The following ADH4 variants were observed in gnomAD, a reference collection of about 807,000 sequenced individuals.
The protein encoded by ADH4 is all-trans-retinol dehydrogenase [NAD(+)] ADH4.
Under a neutral mutation model 35.2 loss-of-function variants are expected in ADH4, and 31 were observed. The observed-to-expected ratio is 0.88, with a 90% CI of 0.66 to 1.19. The LOEUF (loss-of-function observed/expected upper bound fraction) is 1.19. Among genes scored for constraint, ADH4 ranks in the 50% most tolerant of loss-of-function variants. The pLI is 0.00. For synonymous variants in ADH4, 171 were observed against 160.2 expected (o/e 1.07, Z -0.51); for missense variants, 476 against 458.3 (o/e 1.04, Z -0.35).
At chr4:99,135,767 A>G (rs1206170630) in intron 5 of ADH4, among the ~76,000 whole-genome samples, 2 of 152,088 alleles carry the variant, frequency 1.3e-5, no homozygotes, top group African/African-American at 4.8e-5. Flanking sequence ...TTGAAAGACC[A>G]CTCTGGCTGC....
intron 8 of ADH4, among the ~76,000 whole-genome samples, chr4:99,125,491 A>G (rs1426807410): frequency 6.6e-6 from 1 of 152,206 alleles, no homozygotes; most frequent in Non-Finnish European, 1.5e-5. Flanking sequence ...TTTGTGTTCG[A>G]GGATATGAAT....
intron 6 of ADH4, among the ~76,000 whole-genome samples, chr4:99,127,848 A>G (rs67311928): frequency 0.21 from 31,672 of 151,316 alleles, 3,992 homozygotes; most frequent in Non-Finnish European, 0.28. Context: ...AAAAAAAATT[A>G]TTAGTAAAAT....
In ADH4 at chr4:99,141,687, A is replaced by G; in HGVS notation, c.121-5T>C. ...GCACAGAGAGGTAGCAATGATCTAC[A>G]AGGCAATCACAGACTTTAATTGTGT... On this transcript the variant is annotated splice_region_variant and splice_polypyrimidine_tract_variant and intron_variant, in intron 2 of 8. Transcript: ENST00000265512. The G allele has an allele frequency of 6.2e-7, 1 of 1,612,992 alleles. No individual in the cohort carries two copies. Among genetic ancestry groups the G allele is most frequent in the African/African-American group, 1.3e-5 (1 of 75,026 alleles).
At chr4:99,133,463 T>G (rs2110497023) in intron 5 of ADH4, 1 of 152,354 alleles carries the variant, frequency 6.6e-6, no homozygotes, top group East Asian at 1.9e-4. Context: ...TTGCTTCACT[T>G]TTCTTCCCAG....
At chr4:99,141,725 A>G (rs1184924979) in intron 2 of ADH4, 43 bp from the exon 3 acceptor site, 7 of 1,586,552 alleles carry the variant, frequency 4.4e-6, no homozygotes, top group South Asian at 1.1e-5. Context: ...CTGCAACTAT[A>G]TTATTGGGCT....
At chr4:99,143,386 G>C (rs1370253525) in intron 1 of ADH4, 15 of 435,814 alleles carry the variant, frequency 3.4e-5, no homozygotes, top group Non-Finnish European at 5.3e-5. Context: ...TTATCTGTAG[G>C]ATATAAATTA....
intron 2 of ADH4, 32 bp downstream of exon 2, chr4:99,142,647 T>C (rs1729662460): frequency 1.4e-6 from 2 of 1,446,602 alleles, no homozygotes; most frequent in Non-Finnish European, 9.2e-7. Context: ...TGGGGCCCTG[T>C]CTGTTCCCAC....
intron 8 of ADH4, 54 bp from the exon 9 acceptor site, chr4:99,124,520 A>G (rs1271131382): frequency 1.7e-6 from 2 of 1,159,278 alleles, no homozygotes; most frequent in African/African-American, 3.2e-5. Flanking sequence ...AAATTTAACC[A>G]AAGCTCACAA....
At chr4:99,129,774 T>A (rs1246584529) in intron 6 of ADH4, among the ~76,000 whole-genome samples, 3 of 152,226 alleles carry the variant, frequency 2.0e-5, no homozygotes, top group African/African-American at 7.2e-5. Flanking sequence ...TTTCCTCCAG[T>A]ACAACTTGAT....
rs544569073 is a variant in ADH4 at position 99,139,097 on chromosome 4, C to A, written c.314G>T (p.Cys105Phe). Reference sequence around the variant, plus strand: ...ACACAAATTTGTGAGTGGACTCAGACAAAACTTGCATTTTCTACATAGAGG... The same window carrying A: ...ACACAAATTTGTGAGTGGACTCAGAAAAAACTTGCATTTTCTACATAGAGG... Reference protein sequence around the residue: ...YAPLCRKCKFCLSPLTNLCGK... With the variant: ...YAPLCRKCKFFLSPLTNLCGK... The change falls in exon 4 of 9, where the codon TGT becomes TTT. Residue 105 changes from cysteine (C) to phenylalanine (F), a missense_variant. Physicochemically the swap from Cys to Phe is radical, Grantham distance 205 (BLOSUM62 -2). Coordinates refer to ENST00000265512, the MANE Select transcript of ADH4 (RefSeq NM_000670.5). 1 of 1,613,344 alleles carries A rather than the reference C, an allele frequency of 6.2e-7. No individual in the cohort carries two copies. Among genetic ancestry groups the A allele is most frequent in the East Asian group, 2.2e-5 (1 of 44,810 alleles).
chr4:99,142,755 G>A lies in ADH4; in HGVS notation c.44C>T (p.Ala15Val). ...GCAAAGGGGCTTGCCTGCTTCCCAG[G>A]CGATGGCTGCTTTGCATTTAATAAC... ...GKVIKCKAAI[A>V]WEAGKPLCIE... is the part of the protein sequence containing the mutation. Residue 15 changes from alanine to valine, a missense_variant, in exon 2 of 9, where the codon GCC becomes GTC. Coordinates refer to ENST00000265512, the MANE Select transcript of ADH4 (RefSeq NM_000670.5). 3 of 1,603,500 alleles carry A rather than the reference G, an allele frequency of 1.9e-6. No homozygotes were observed. The highest frequency in any genetic ancestry group is 1.7e-6 in the Non-Finnish European group (2 of 1,175,938).
At chr4:99,133,118 A>G (rs1729338782) in intron 5 of ADH4, among the ~76,000 whole-genome samples, 1 of 152,158 alleles carries the variant, frequency 6.6e-6, no homozygotes, top group Admixed American at 6.6e-5. Flanking sequence ...CATTGCAGCA[A>G]TGTAACTAGT....
intron 5 of ADH4, among the ~76,000 whole-genome samples, chr4:99,132,535 T>C (rs1323022851): frequency 2.6e-5 from 4 of 152,182 alleles, no homozygotes; most frequent in Admixed American, 2.6e-4. Flanking sequence ...GGTGTGTTTC[T>C]TTAAAAGACC....
At chr4:99,137,921 C>T (rs1729497235) in intron 4 of ADH4, among the ~76,000 whole-genome samples, 1 of 144,894 alleles carries the variant, frequency 6.9e-6, no homozygotes, top group South Asian at 2.1e-4. Flanking sequence ...TAGATCCCTT[C>T]TCCCTCTCTT....
At chr4:99,127,993 CGTT>C (rs1729151647) in intron 6 of ADH4, among the ~76,000 whole-genome samples, 1 of 148,232 alleles carries the variant, frequency 6.7e-6, no homozygotes, top group Non-Finnish European at 1.5e-5. Context: ...CCAAATCTAT[CGTT>C]GTGTGACTTT....
chr4:99,140,576 A>G (rs1422886039), intron 3 of ADH4, among the ~76,000 whole-genome samples: 1 of 143,012 alleles, frequency 7.0e-6, no homozygotes, highest in African/African-American at 2.8e-5. Context: ...TGTTTCGAAC[A>G]AAAAAAAAAG....
chr4:99,135,483 A>G (rs1231733542), intron 5 of ADH4, among the ~76,000 whole-genome samples: 2 of 152,182 alleles, frequency 1.3e-5, no homozygotes, highest in Non-Finnish European at 2.9e-5. Flanking sequence ...AGCATGGCTG[A>G]GAGCCTGAAG....
intron 6 of ADH4, among the ~76,000 whole-genome samples, chr4:99,130,854 A>G (rs1729248717): frequency 6.6e-6 from 1 of 152,154 alleles, no homozygotes; most frequent in Non-Finnish European, 1.5e-5. Context: ...ATTAAATATA[A>G]CAACACATGC....
At position 99,141,644 on chromosome 4, in the gene ADH4, A is replaced by G; in HGVS notation, c.159T>C (p.Val53=). 6.2e-7 allele frequency: 1 copy of G among 1,614,148 alleles called. No homozygotes were observed. Among genetic ancestry groups the G allele is most frequent in the Non-Finnish European group, 8.5e-7 (1 of 1,179,980 alleles). ...ATSLCHTDAT[V]IDSKFEGLAF... Reference sequence around the variant, plus strand: ...CTAGGCCCTCAAATTTAGAATCGATAACAGTGGCATCAGTATGGCACAGAG... The same window carrying G: ...CTAGGCCCTCAAATTTAGAATCGATGACAGTGGCATCAGTATGGCACAGAG... The change falls in exon 3 of 9, where the codon GTT becomes GTC. Residue 53 remains valine (V), a synonymous_variant. Coordinates refer to ENST00000265512, the MANE Select transcript of ADH4 (RefSeq NM_000670.5).
Sources: allele counts gnomAD v4.1 joint callset (sites outside exome capture counted in the v4.1 genomes callset), GRCh38; gene constraint gnomAD v4.1.1; transcripts MANE v1.5; gene names NCBI Gene and HGNC (gene_info 2026-07-23, HGNC 2026-07-21).